The following TRIB1 variants were observed in gnomAD, a reference collection of about 807,000 sequenced individuals.
TRIB1 encodes the protein tribbles pseudokinase 1.
A neutral mutation model predicts 27.8 loss-of-function variants in TRIB1; 12 were observed. The ratio of observed to expected loss-of-function variants is 0.43; its 90% CI spans 0.28 to 0.70. TRIB1 has a LOEUF of 0.70. TRIB1 is among the 30% of genes least tolerant of loss of function. The pLI is 0.18. For missense variants in TRIB1, 475 were observed against 515.8 expected (o/e 0.92, Z 0.77); for synonymous variants, 230 against 224.9 (o/e 1.02, Z -0.20).
Position 125,430,883 on chromosome 8 carries a change from C to T in TRIB1, c.-20C>T. On this transcript the variant is annotated 5_prime_UTR_variant, in exon 1 of 3. Transcript: ENST00000311922. ...GATCCCGGGACTTAAAAAGCCGGGG[C>T]CACCCCGGCCCAGGACGGGATGCGG... 7 of 1,392,084 alleles carry T rather than the reference C, an allele frequency of 5.0e-6. No homozygotes were observed. Among genetic ancestry groups the T allele is most frequent in the East Asian group, 3.1e-5 (1 of 32,402 alleles). The allele number at this position is 1,392,084 out of a possible 1,614,324, so 86.2% of individuals were successfully genotyped here. A position where few individuals can be genotyped will look rare whatever the true frequency, so the allele number is the denominator to read the frequency against.
rs1026856398 is a variant in TRIB1, at chr8:125,431,254, C to A, written c.352C>A (p.Arg118Ser). The A allele has an allele frequency of 9.5e-6, 12 of 1,260,228 alleles. No individual in the cohort carries two copies. The highest frequency in any genetic ancestry group is 1.2e-5 in the Non-Finnish European group (12 of 1,003,694). 78.1% of individuals were successfully genotyped at this position (1,260,228 alleles called of 1,614,324 possible). Residue 118 changes from arginine (R) to serine (S), a missense_variant, in exon 1 of 3, where the codon CGC (arginine) becomes AGC (serine). Physicochemically the swap from Arg to Ser is moderately radical, Grantham distance 110. Coordinates refer to ENST00000311922, the MANE Select transcript of TRIB1 (RefSeq NM_025195.4). ...ALCIHTGREL[R>S]CKVFPIKHYQ... ...GTGCATCCACACTGGACGCGAGCTG[C>A]GCTGCAAGGTAGGCGCTCCCGGGCC...
chr8:125,435,844 T>G (rs921841475), intron 2 of TRIB1, among the ~76,000 whole-genome samples, 162 bp from the exon 3 acceptor site: 1 of 152,236 alleles, frequency 6.6e-6, no homozygotes, highest in Non-Finnish European at 1.5e-5. Flanking sequence ...GTTTGTGAAA[T>G]CAGGAGCCCT....
intron 2 of TRIB1, among the ~76,000 whole-genome samples, chr8:125,435,066 C>G (rs2385114): frequency 2.0e-5 from 3 of 151,914 alleles, no homozygotes; most frequent in Non-Finnish European, 4.4e-5. Context: ...CACTGGATAT[C>G]AGAGCTTCCC....
At position 125,433,064 on chromosome 8, in the gene TRIB1, T is replaced by C. The variant is rs1055928662; in HGVS notation, c.361-253T>C. On this transcript the variant is annotated intron_variant, in intron 1 of 2. Coordinates refer to ENST00000311922, the MANE Select transcript of TRIB1 (RefSeq NM_025195.4). This position sits in a 1 kb window ranked among gnomAD's most constrained non-coding sequence, Gnocchi z 4.4. ...GGAACATGTACAGGAGACAGTTCTTTCAAATCATCTGTGTGAAAGCGGGTA... is the reference window on the plus strand; with the variant it reads ...GGAACATGTACAGGAGACAGTTCTTCCAAATCATCTGTGTGAAAGCGGGTA... 4.1e-6 allele frequency: 2 copies of C among 485,994 alleles called. No individual in the cohort carries two copies. Among genetic ancestry groups the C allele is most frequent in the Admixed American group, 7.0e-5 (2 of 28,600 alleles). 30.1% of individuals were successfully genotyped at this position (485,994 alleles called of 1,614,324 possible).
In TRIB1 at chr8:125,431,281, G is replaced by A; in HGVS notation, c.360+19G>A. The A allele has an allele frequency of 8.0e-7, 1 of 1,254,602 alleles. No individual in the cohort carries two copies. The allele number at this position is 1,254,602 out of a possible 1,614,324, so 77.7% of individuals were successfully genotyped here. Reference sequence around the variant, plus strand: ...CTGCAAGGTAGGCGCTCCCGGGCCAGGACCCGGCTGGGGTCGGGGGCGCGG... The same window carrying A: ...CTGCAAGGTAGGCGCTCCCGGGCCAAGACCCGGCTGGGGTCGGGGGCGCGG... On this transcript the variant is annotated intron_variant, in intron 1 of 2. Transcript: ENST00000311922.
chr8:125,431,191 C>T lies in TRIB1; in HGVS notation c.289C>T (p.Leu97=). The change falls in exon 1 of 3, where the codon CTG becomes TTG. Residue 97 remains leucine, a synonymous_variant. Transcript: ENST00000311922. ...CAGCCGCATCGCCGACTACCTGCTG[C>T]TGCCCCTAGCCGAGCGCGAGCATGT... ...GPSRIADYLL[L]PLAEREHVSR... is the part of the protein sequence containing the mutation. The T allele has an allele frequency of 7.8e-7, 1 of 1,290,182 alleles. No individual in the cohort carries two copies. Among genetic ancestry groups the T allele is most frequent in the Non-Finnish European group, 9.8e-7 (1 of 1,021,614 alleles). The allele number at this position is 1,290,182 out of a possible 1,614,324, so 79.9% of individuals were successfully genotyped here. A position where few individuals can be genotyped will look rare whatever the true frequency, so the allele number is the denominator to read the frequency against.
In TRIB1 at chr8:125,437,854, G is replaced by A. The variant is rs1409940629; in HGVS notation, c.*1383G>A. ...AGATGAAATATCAGTAACTGTCTTG[G>A]ACAGTGCTGAAATCAGGTGGTTAAA... On this transcript the variant is annotated 3_prime_UTR_variant, in exon 3 of 3. Transcript: ENST00000311922. 3 of 152,762 alleles carry A rather than the reference G, an allele frequency of 2.0e-5. No individual in the cohort carries two copies. Among genetic ancestry groups the A allele is most frequent in the African/African-American group, 7.2e-5 (3 of 41,430 alleles). The allele number at this position is 152,762 out of a possible 1,614,324, so 9.5% of individuals were successfully genotyped here.
intron 1 of TRIB1, among the ~76,000 whole-genome samples, chr8:125,431,745 G>C (rs1050116196): frequency 6.6e-6 from 1 of 152,192 alleles, no homozygotes; most frequent in Non-Finnish European, 1.5e-5. Flanking sequence ...CTGGAAGACT[G>C]TGTCCGGCTC....
In TRIB1 at chr8:125,433,881, T is replaced by G; in HGVS notation, c.653+272T>G. On this transcript the variant is annotated intron_variant, in intron 2 of 2. Coordinates refer to ENST00000311922, the MANE Select transcript of TRIB1 (RefSeq NM_025195.4). The surrounding 1 kb of genome is among the most constrained non-coding windows in gnomAD (Gnocchi z 4.4). ...TCTCCTACCCCAGGATCAGGTTCAT[T>G]CCCCATTGTTGTCAGAAAGGTCAGT... 2.2e-6 allele frequency: 1 copy of G among 446,294 alleles called. No homozygotes were observed. Among genetic ancestry groups the G allele is most frequent in the Non-Finnish European group, 4.1e-6 (1 of 246,202 alleles). The allele number at this position is 446,294 out of a possible 1,614,324, so 27.6% of individuals were successfully genotyped here.
Position 125,433,833 on chromosome 8 carries a change from A to T in TRIB1, c.653+224A>T, listed in dbSNP as rs894525493. On this transcript the variant is annotated intron_variant, in intron 2 of 2. Transcript: ENST00000311922. The surrounding 1 kb of genome is among the most constrained non-coding windows in gnomAD (Gnocchi z 4.4). ...CACCGTGGCGCTTCTATGGGATGGC[A>T]AGTGTTGACAGGGTGCTCTTCCTCT... is the stretch of plus-strand genomic sequence containing the variant. The T allele has an allele frequency of 5.7e-5, 31 of 539,224 alleles. No individual in the cohort carries two copies. In the South Asian group the frequency reaches 7.5e-4, roughly 13 times the overall value. The allele number at this position is 539,224 out of a possible 1,614,324, so 33.4% of individuals were successfully genotyped here.
chr8:125,435,334 A>G (rs896662079), intron 2 of TRIB1, among the ~76,000 whole-genome samples: 11 of 152,166 alleles, frequency 7.2e-5, no homozygotes, highest in African/African-American at 2.2e-4. Context: ...GTTTGCTCGC[A>G]TAACCTCTCT....
In TRIB1 at chr8:125,433,820, T is replaced by C. The variant is rs1042479152; in HGVS notation, c.653+211T>C. ...CGGGGCCTGGGGACACCGTGGCGCT[T>C]CTATGGGATGGCAAGTGTTGACAGG... On this transcript the variant is annotated intron_variant, in intron 2 of 2. Transcript: ENST00000311922. This position sits in a 1 kb window ranked among gnomAD's most constrained non-coding sequence, Gnocchi z 4.4. 3.5e-6 allele frequency: 2 copies of C among 565,666 alleles called. No individual in the cohort carries two copies. The highest frequency in any genetic ancestry group is 6.2e-6 in the Non-Finnish European group (2 of 321,822). 35.0% of individuals were successfully genotyped at this position (565,666 alleles called of 1,614,324 possible).
Position 125,433,049 on chromosome 8 carries a change from C to T in TRIB1, c.361-268C>T. On this transcript the variant is annotated intron_variant, in intron 1 of 2. Transcript: ENST00000311922. This position sits in a 1 kb window ranked among gnomAD's most constrained non-coding sequence, Gnocchi z 4.4. ...AGCTGACAGAAGATGGGAACATGTACAGGAGACAGTTCTTTCAAATCATCT... is the reference window on the plus strand; with the variant it reads ...AGCTGACAGAAGATGGGAACATGTATAGGAGACAGTTCTTTCAAATCATCT... The T allele has an allele frequency of 2.2e-6, 1 of 446,960 alleles. No individual in the cohort carries two copies. Among genetic ancestry groups the T allele is most frequent in the Non-Finnish European group, 4.1e-6 (1 of 246,044 alleles). 27.7% of individuals were successfully genotyped at this position (446,960 alleles called of 1,614,324 possible).
chr8:125,436,683 T>G lies in TRIB1; in HGVS notation c.*212T>G. 8.4e-6 allele frequency: 5 copies of G among 594,214 alleles called. No homozygotes were observed. The highest frequency in any genetic ancestry group is 4.5e-4 in the Middle Eastern group (1 of 2,214). The allele number at this position is 594,214 out of a possible 1,614,324, so 36.8% of individuals were successfully genotyped here. A position where few individuals can be genotyped will look rare whatever the true frequency, so the allele number is the denominator to read the frequency against. On this transcript the variant is annotated 3_prime_UTR_variant, in exon 3 of 3. Transcript: ENST00000311922. ...GTGATTGGCTGCCCTGCAAATTTGT[T>G]TCCCTTAAGGAACCCTCACCAACTA...
In TRIB1 at chr8:125,430,749, C is replaced by CCTG; in HGVS notation, c.-151_-149dup. The CCTG allele has an allele frequency of 9.7e-7, 1 of 1,034,336 alleles. No individual in the cohort carries two copies. Among genetic ancestry groups the CCTG allele is most frequent in the Non-Finnish European group, 1.3e-6 (1 of 790,842 alleles). 64.1% of individuals were successfully genotyped at this position (1,034,336 alleles called of 1,614,324 possible). The stretch of plus-strand genomic sequence containing the variant: ...GCAACGCGAGCGCCGGGGAGTGGCT[C>CCTG]CTGCTTTGCCCCTCGTGGGGGCCGA... On this transcript the variant is annotated 5_prime_UTR_variant, in exon 1 of 3. Transcript: ENST00000311922.
rs116367616 is a variant in TRIB1, at chr8:125,433,680, T to A, written c.653+71T>A. On this transcript the variant is annotated intron_variant, in intron 2 of 2. Coordinates refer to ENST00000311922, the MANE Select transcript of TRIB1 (RefSeq NM_025195.4). This position sits in a 1 kb window ranked among gnomAD's most constrained non-coding sequence, Gnocchi z 4.4. ...CGGAGGTGCAGGTCATGTAGTTAGG[T>A]GCTGTGTGTTGGTGCAAAACAAAGT... 2.0e-3 allele frequency: 3,141 copies of A among 1,533,848 alleles called. 55 individuals carry two copies. The African/African-American group carries it at 0.035, about 17-fold the overall frequency.
chr8:125,435,376 C>A (rs1391279196), intron 2 of TRIB1, among the ~76,000 whole-genome samples: 1 of 152,146 alleles, frequency 6.6e-6, no homozygotes, highest in Non-Finnish European at 1.5e-5. Context: ...CAGTTAAACA[C>A]CCCAATAAAT....
intron 2 of TRIB1, 32 bp from the exon 3 acceptor site, chr8:125,435,974 G>A: frequency 1.3e-6 from 2 of 1,580,292 alleles, no homozygotes; most frequent in South Asian, 1.1e-5. Flanking sequence ...CAGCTGGTGT[G>A]GAAATAATGG....
At chr8:125,431,342 C>A (rs763642054) in intron 1 of TRIB1, 80 bp downstream of exon 1, 96 of 1,234,606 alleles carry the variant, frequency 7.8e-5, no homozygotes, top group Non-Finnish European at 9.6e-5. Context: ...GGGGTCCGGC[C>A]AACGCTTGGG....
Sources: allele counts gnomAD v4.1 joint callset (sites outside exome capture counted in the v4.1 genomes callset), GRCh38; gene constraint gnomAD v4.1.1; non-coding constraint Gnocchi (gnomAD v3.1); transcripts MANE v1.5; gene names NCBI Gene and HGNC (gene_info 2026-07-23, HGNC 2026-07-21).